The following SMAP2 variants were observed in gnomAD, a reference collection of about 807,000 sequenced individuals.
The protein encoded by SMAP2 is stromal membrane-associated protein 2.
A neutral mutation model predicts 56.4 loss-of-function variants in SMAP2; 25 were observed. The ratio of observed to expected loss-of-function variants is 0.44; its 90% CI spans 0.32 to 0.62. The LOEUF (loss-of-function observed/expected upper bound fraction) is 0.62, where lower values mean the gene tolerates loss of function less well. Ranked by LOEUF, SMAP2 falls within the 20% of genes least tolerant of loss-of-function variation. SMAP2 has a pLI of 0.04. For missense variants in SMAP2, 388 were observed against 545.6 expected (o/e 0.71, Z 2.88); for synonymous variants, 157 against 181.7 (o/e 0.86, Z 1.09).
At chr1:40,403,834 C>T (rs1475522962) in intron 1 of SMAP2, 1 of 186,060 alleles carries the variant, frequency 5.4e-6, no homozygotes, top group Non-Finnish European at 1.0e-5. Flanking sequence ...TGTGGTTGCT[C>T]CCACCTGTAA....
intron 1 of SMAP2, chr1:40,393,563 T>TTC: frequency 3.0e-5 from 29 of 977,782 alleles, no homozygotes; most frequent in South Asian, 7.5e-5. Context: ...TTTTTTTTTT[T>TTC]GTGACAGAGT....
chr1:40,421,490 G>A (rs867690293), intron 9 of SMAP2, among the ~76,000 whole-genome samples: 32 of 150,286 alleles, frequency 2.1e-4, no homozygotes, highest in Middle Eastern at 3.4e-3. Context: ...TGTTCATTCT[G>A]AACAGTCCAG....
At chr1:40,355,173 G>A (rs1406930531) in intron 1 of SMAP2, among the ~76,000 whole-genome samples, 1 of 151,960 alleles carries the variant, frequency 6.6e-6, no homozygotes, top group Non-Finnish European at 1.5e-5. Flanking sequence ...AAAATTAATG[G>A]CCATTAATAG....
rs182229688 is a variant in SMAP2 at position 40,410,072 on chromosome 1, A to G, written c.402+237A>G. 1.8e-4 allele frequency among the ~76,000 whole-genome samples: 28 copies of G among 152,090 alleles called. No homozygotes were observed. The East Asian group carries it at 5.0e-3, about 27-fold the overall frequency. ...GCCTGGGCAACAAAGAAAGACCCCCATCTCTACAAAAAATTTAAAAATTAG... is the reference window on the plus strand; with the variant it reads ...GCCTGGGCAACAAAGAAAGACCCCCGTCTCTACAAAAAATTTAAAAATTAG... On this transcript the variant is annotated intron_variant, in intron 4 of 9. Coordinates refer to ENST00000372718, the MANE Select transcript of SMAP2 (RefSeq NM_022733.3).
chr1:40,351,084 C>G (rs1173306542), intron 1 of SMAP2, among the ~76,000 whole-genome samples: 1 of 152,212 alleles, frequency 6.6e-6, no homozygotes, highest in Non-Finnish European at 1.5e-5. Context: ...TCCTACTCTC[C>G]TTGGAAAAGA....
intron 1 of SMAP2, among the ~76,000 whole-genome samples, chr1:40,380,457 A>C (rs565870697): frequency 6.6e-6 from 1 of 150,770 alleles, no homozygotes; most frequent in East Asian, 1.9e-4. Flanking sequence ...TAGCCAAGTC[A>C]TTGCTTGTTA....
At chr1:40,409,468 T>G (rs1644915155) in intron 3 of SMAP2, among the ~76,000 whole-genome samples, 1 of 152,264 alleles carries the variant, frequency 6.6e-6, no homozygotes, top group Admixed American at 6.5e-5. Context: ...TTTACCTATA[T>G]TCTAGAACAG....
chr1:40,381,017 A>C (rs1451999233), intron 1 of SMAP2, among the ~76,000 whole-genome samples: 1 of 152,196 alleles, frequency 6.6e-6, no homozygotes, highest in Non-Finnish European at 1.5e-5. Context: ...AATTTATCAA[A>C]ATCCCCATTA....
chr1:40,388,540 A>T (rs541497901), intron 1 of SMAP2, among the ~76,000 whole-genome samples: 1 of 151,730 alleles, frequency 6.6e-6, no homozygotes, highest in African/African-American at 2.4e-5. Flanking sequence ...CTTGGTGGGG[A>T]TTTGGAGAAC....
At position 40,422,092 on chromosome 1, in the gene SMAP2, G is replaced by A. The variant is rs1645049088; in HGVS notation, c.1281G>A (p.Met427Ile). The A allele has an allele frequency of 6.2e-7, 1 of 1,613,950 alleles. No homozygotes were observed. Among genetic ancestry groups the A allele is most frequent in the African/African-American group, 1.3e-5 (1 of 74,906 alleles). Residue 427 changes from methionine to isoleucine, a missense_variant, in exon 10 of 10, where the codon ATG becomes ATA. By Grantham distance (10) the Met-to-Ile change is conservative. Transcript: ENST00000372718. ...CAAATCAGACTCTCAGTCCTCAGAT[G>A]TGGAAATAAAAACAAAACACCTGTA... Reference protein sequence around the residue: ...QAANQTLSPQMWK With the variant: ...QAANQTLSPQIWK
chr1:40,345,412 A>G (rs999887071), intron 1 of SMAP2, among the ~76,000 whole-genome samples: 2 of 151,524 alleles, frequency 1.3e-5, no homozygotes, highest in Non-Finnish European at 2.9e-5. Flanking sequence ...AGTAAACAGC[A>G]TCTATGCTTC....
intron 1 of SMAP2, chr1:40,393,541 CTTTTTT>C (rs35913943): frequency 2.5e-3 from 2,055 of 808,278 alleles, no homozygotes; most frequent in East Asian, 3.4e-3. Flanking sequence ...GTTCTTCTAA[CTTTTTT>C]TTTTTTTTTT....
In SMAP2 at chr1:40,417,074, A is replaced by G. The variant is rs942171724; in HGVS notation, c.1142A>G (p.Gln381Arg). ...QTVYGVQPAQ[Q>R]LQWNLTQMTQ... ...GTGTATGGGGTCCAGCCAGCTCAGCAGCTGCAATGGAACCTTACTCAGGTA... is the reference window on the plus strand; with the variant it reads ...GTGTATGGGGTCCAGCCAGCTCAGCGGCTGCAATGGAACCTTACTCAGGTA... The change falls in exon 9 of 10, where the codon CAG becomes CGG. Residue 381 changes from glutamine (Q) to arginine (R), a missense_variant. Gln to Arg is a conservative substitution (Grantham distance 43). Transcript: ENST00000372718. 6 of 1,603,434 alleles carry G rather than the reference A, an allele frequency of 3.7e-6. No individual in the cohort carries two copies. The highest frequency in any genetic ancestry group is 5.1e-6 in the Non-Finnish European group (6 of 1,171,032).
In SMAP2 at chr1:40,420,925, A is replaced by G. The variant is rs113044517; in HGVS notation, c.1165-1051A>G. Among the ~76,000 whole-genome samples the G allele has an allele frequency of 2.6e-3, 393 of 152,274 alleles. 1 individual carries two copies. The highest frequency in any genetic ancestry group is 8.5e-3 in the African/African-American group (353 of 41,548). On this transcript the variant is annotated intron_variant, in intron 9 of 9. Coordinates refer to ENST00000372718, the MANE Select transcript of SMAP2 (RefSeq NM_022733.3). Reference sequence around the variant, plus strand: ...AATGAAATGCCATGTACATTAGAATATGGTGTTAATGTTAAAATTCTTGAG... The same window carrying G: ...AATGAAATGCCATGTACATTAGAATGTGGTGTTAATGTTAAAATTCTTGAG...
chr1:40,419,582 G>T lies in SMAP2; in HGVS notation c.1165-2394G>T, dbSNP rs960596608. Among the ~76,000 whole-genome samples the T allele has an allele frequency of 9.2e-5, 14 of 152,268 alleles. 1 individual carries two copies. Among genetic ancestry groups the T allele is most frequent in the East Asian group, 5.8e-4 (3 of 5,188 alleles). On this transcript the variant is annotated intron_variant, in intron 9 of 9. Transcript: ENST00000372718. The stretch of plus-strand genomic sequence containing the variant: ...TTACAGGCATGAGCCACTGCGCCCA[G>T]CTGAGAATTTTTAAAAACAGACTAC...
intron 1 of SMAP2, among the ~76,000 whole-genome samples, chr1:40,388,310 G>T (rs1644681171): frequency 6.6e-6 from 1 of 152,260 alleles, no homozygotes; most frequent in African/African-American, 2.4e-5. Flanking sequence ...AGCCAGCTGG[G>T]CTCCTGAGTC....
intron 1 of SMAP2, among the ~76,000 whole-genome samples, chr1:40,395,005 G>A (rs1644756188): frequency 6.6e-6 from 1 of 152,094 alleles, no homozygotes; most frequent in South Asian, 2.1e-4. Context: ...AGTTTTAAGA[G>A]GAAGTGATGT....
chr1:40,374,996 C>T lies in SMAP2; in HGVS notation c.103+773C>T, dbSNP rs1379367399. 3 of 985,232 alleles carry T rather than the reference C, an allele frequency of 3.0e-6. No homozygotes were observed. In the African/African-American group the frequency reaches 5.2e-5, roughly 17 times the overall value. 61.0% of individuals were successfully genotyped at this position (985,232 alleles called of 1,614,324 possible). A position where few individuals can be genotyped will look rare whatever the true frequency, so the allele number is the denominator to read the frequency against. ...ATGAATTCGATGAATTCATTGCTTCCATGGCGATTACACTTCTAAAGGTGA... is the reference window on the plus strand; with the variant it reads ...ATGAATTCGATGAATTCATTGCTTCTATGGCGATTACACTTCTAAAGGTGA... On this transcript the variant is annotated intron_variant, in intron 1 of 9. Coordinates refer to ENST00000372718, the MANE Select transcript of SMAP2 (RefSeq NM_022733.3). The surrounding 1 kb of genome is among the most constrained non-coding windows in gnomAD (Gnocchi z 5.9).
In SMAP2 at chr1:40,408,567, A is replaced by G; in HGVS notation, c.238-86A>G. ...TGACACTCTCTAGGTTGGTTCTTCA[A>G]TTGTACAGTAGTGGAATTGGGTGAG... On this transcript the variant is annotated intron_variant, in intron 2 of 9. Transcript: ENST00000372718. The surrounding 1 kb of genome is among the most constrained non-coding windows in gnomAD (Gnocchi z 4.3). 2 of 1,146,928 alleles carry G rather than the reference A, an allele frequency of 1.7e-6. No individual in the cohort carries two copies. Among genetic ancestry groups the G allele is most frequent in the Non-Finnish European group, 2.6e-6 (2 of 771,046 alleles). The allele number at this position is 1,146,928 out of a possible 1,614,324, so 71.0% of individuals were successfully genotyped here. A position where few individuals can be genotyped will look rare whatever the true frequency, so the allele number is the denominator to read the frequency against.
Sources: gnomAD v4.1 joint callset for allele counts (sites outside exome capture counted in the v4.1 genomes callset) on GRCh38, gnomAD v4.1.1 for gene constraint, Gnocchi (gnomAD v3.1) non-coding constraint, MANE v1.5 for transcripts, NCBI Gene and HGNC (gene_info 2026-07-23, HGNC 2026-07-21) for gene names.